Variants in NTNG2 observed in about 807,000 individuals in gnomAD.
NTNG2 encodes the protein netrin G2.
NTNG2 carries 15 observed loss-of-function variants against 47.6 expected under a neutral mutation model. The ratio of observed to expected loss-of-function variants is 0.32; its 90% CI spans 0.21 to 0.49. The LOEUF is 0.49. NTNG2 is among the 20% of genes least tolerant of loss of function. The pLI is 0.99. For synonymous variants in NTNG2, 307 were observed against 324.6 expected (o/e 0.95, Z 0.58); for missense variants, 578 against 764.6 (o/e 0.76, Z 2.88).
At chr9:132,240,560 G>A in intron 6 of NTNG2, 1 of 402,404 alleles carries the variant, frequency 2.5e-6, no homozygotes, top group Non-Finnish European at 4.6e-6. Context: ...CCTCTGCTGA[G>A]TTTCTGCCAC....
chr9:132,220,740 A>T (rs1299772838), intron 3 of NTNG2, among the ~76,000 whole-genome samples: 1 of 152,064 alleles, frequency 6.6e-6, no homozygotes, highest in African/African-American at 2.4e-5. Flanking sequence ...GAGCCACCGC[A>T]CCTGGCTCCC....
At chr9:132,187,574 AGAG>A (rs1564397616) in intron 2 of NTNG2, among the ~76,000 whole-genome samples, 1 of 37,434 alleles carries the variant, frequency 2.7e-5, no homozygotes, top group Non-Finnish European at 4.8e-5. Context: ...GGAGCAAGAG[AGAG>A]AGAGAGAGAG....
At chr9:132,225,833 G>A (rs1350320304) in intron 3 of NTNG2, among the ~76,000 whole-genome samples, 2 of 152,038 alleles carry the variant, frequency 1.3e-5, no homozygotes, top group Non-Finnish European at 2.9e-5. Flanking sequence ...TTTTCTCCAC[G>A]CAACTCATCT....
At chr9:132,217,233 T>C (rs1011787953) in intron 3 of NTNG2, among the ~76,000 whole-genome samples, 1 of 152,208 alleles carries the variant, frequency 6.6e-6, no homozygotes, top group Admixed American at 6.5e-5. Context: ...CTCAGCAAAT[T>C]ATTTCTATGT....
chr9:132,166,885 C>T lies in NTNG2; in HGVS notation c.54C>T (p.Asp18=). The change falls in exon 2 of 8, where the codon GAC becomes GAT. Residue 18 remains aspartate, a synonymous_variant. Transcript: ENST00000393229. Reference sequence around the variant, plus strand: ...ACTGCCTCCCTCTGGCCTCTGGGGACTATGACATCTGCAAATCCTGGGTGA... The same window carrying T: ...ACTGCCTCCCTCTGGCCTCTGGGGATTATGACATCTGCAAATCCTGGGTGA... ...FLHCLPLASG[D]YDICKSWVTT... 2 of 1,614,226 alleles carry T rather than the reference C, an allele frequency of 1.2e-6. No homozygotes were observed. The highest frequency in any genetic ancestry group is 1.7e-6 in the Non-Finnish European group (2 of 1,180,042).
rs761617116 is a variant in NTNG2 at position 132,240,950 on chromosome 9, C to G, written c.1263C>G (p.Cys421Trp). ...CNQIGSVHDRCNETGFCECRE... is the reference protein window; with the variant it reads ...CNQIGSVHDRWNETGFCECRE... Reference sequence around the variant, plus strand: ...AGATAGGCTCCGTGCACGACCGGTGCAACGAGACCGGCTTCTGCGAGTGCC... The same window carrying G: ...AGATAGGCTCCGTGCACGACCGGTGGAACGAGACCGGCTTCTGCGAGTGCC... Residue 421 changes from cysteine to tryptophan, a missense_variant, in exon 7 of 8, where the codon TGC becomes TGG. Physicochemically the swap from Cys to Trp is radical, Grantham distance 215. Transcript: ENST00000393229. 3 of 1,612,522 alleles carry G rather than the reference C, an allele frequency of 1.9e-6. No individual in the cohort carries two copies. In the African/African-American group the frequency reaches 4.0e-5, roughly 22 times the overall value.
intron 2 of NTNG2, among the ~76,000 whole-genome samples, chr9:132,189,445 C>T (rs571326803): frequency 3.3e-5 from 5 of 152,108 alleles, no homozygotes; most frequent in South Asian, 2.1e-4. Flanking sequence ...GATAAACTGG[C>T]GGGAATTTTG....
At chr9:132,199,301 A>G (rs1347145171) in intron 3 of NTNG2, among the ~76,000 whole-genome samples, 2 of 152,208 alleles carry the variant, frequency 1.3e-5, no homozygotes, top group Non-Finnish European at 2.9e-5. Context: ...CTCAGGCTCC[A>G]TGATTCACTA....
chr9:132,200,690 G>A (rs539206666), intron 3 of NTNG2, among the ~76,000 whole-genome samples: 3 of 152,298 alleles, frequency 2.0e-5, no homozygotes, highest in African/African-American at 4.8e-5. Flanking sequence ...AAGGCAGGTC[G>A]TTCATGAAGC....
In NTNG2 at chr9:132,244,278, G is replaced by A. The variant is rs1209678207; in HGVS notation, c.*2167G>A. The A allele has an allele frequency of 6.6e-6, 1 of 152,292 alleles. No individual in the cohort carries two copies. Among genetic ancestry groups the A allele is most frequent in the Non-Finnish European group, 1.5e-5 (1 of 68,096 alleles). 9.4% of individuals were successfully genotyped at this position (152,292 alleles called of 1,614,324 possible). A position where few individuals can be genotyped will look rare whatever the true frequency, so the allele number is the denominator to read the frequency against. The stretch of plus-strand genomic sequence containing the variant: ...GTCACCCTCAGGATAGTGAAGGGTG[G>A]AGCCGGGGGTGGAAGTTGCAGAGCC... On this transcript the variant is annotated 3_prime_UTR_variant, in exon 8 of 8. Coordinates refer to ENST00000393229, the MANE Select transcript of NTNG2 (RefSeq NM_032536.4).
Position 132,227,020 on chromosome 9 carries a change from C to A in NTNG2, c.1029C>A (p.Ala343=). ...CGCTGCCCCATGGCTCTCCCAACGC[C>A]TGTACGTGCCATGCCCCGGGGCCAC... is the stretch of plus-strand genomic sequence containing the variant. ...YLPLPHGSPN[A]CATAGSFGNC... is the part of the protein sequence containing the mutation. The change falls in exon 4 of 8, where the codon GCC becomes GCA. Residue 343 remains alanine, a splice_region_variant and synonymous_variant. Transcript: ENST00000393229. 1 of 1,596,184 alleles carries A rather than the reference C, an allele frequency of 6.3e-7. No individual in the cohort carries two copies. The highest frequency in any genetic ancestry group is 8.5e-7 in the Non-Finnish European group (1 of 1,171,980).
Position 132,242,763 on chromosome 9 carries a change from G to A in NTNG2, c.*652G>A, listed in dbSNP as rs1234628772. The A allele has an allele frequency of 6.6e-6, 1 of 152,286 alleles. No individual in the cohort carries two copies. Among genetic ancestry groups the A allele is most frequent in the African/African-American group, 2.4e-5 (1 of 41,460 alleles). The allele number at this position is 152,286 out of a possible 1,614,324, so 9.4% of individuals were successfully genotyped here. A position where few individuals can be genotyped will look rare whatever the true frequency, so the allele number is the denominator to read the frequency against. On this transcript the variant is annotated 3_prime_UTR_variant, in exon 8 of 8. Transcript: ENST00000393229. This position sits in a 1 kb window ranked among gnomAD's most constrained non-coding sequence, Gnocchi z 5.9. The stretch of plus-strand genomic sequence containing the variant: ...CACTGTCCCCTGCAAGGGGGACGGG[G>A]CGGGAGCACTGGTCACCGCGGGGGC...
chr9:132,228,403 C>A (rs1840950825), intron 4 of NTNG2, among the ~76,000 whole-genome samples: 1 of 152,208 alleles, frequency 6.6e-6, no homozygotes, highest in African/African-American at 2.4e-5. Context: ...AGCTTCCTGT[C>A]CCCATCTCTT....
intron 3 of NTNG2, among the ~76,000 whole-genome samples, chr9:132,205,420 G>A (rs747407842): frequency 3.3e-5 from 5 of 152,184 alleles, no homozygotes; most frequent in Non-Finnish European, 5.9e-5. Context: ...AATTCATAGA[G>A]ACAGAAAGTA....
chr9:132,217,897 C>T (rs1323223682), intron 3 of NTNG2, among the ~76,000 whole-genome samples: 1 of 152,214 alleles, frequency 6.6e-6, no homozygotes, highest in Non-Finnish European at 1.5e-5. Flanking sequence ...GGAAGGCACA[C>T]AAACCCCAGT....
At chr9:132,210,517 G>A (rs1231535754) in intron 3 of NTNG2, among the ~76,000 whole-genome samples, 1 of 152,226 alleles carries the variant, frequency 6.6e-6, no homozygotes, top group East Asian at 1.9e-4. Context: ...TATAGCCAAA[G>A]GTACTTTGGA....
At position 132,198,202 on chromosome 9, in the gene NTNG2, C is replaced by T. The variant is rs2130728550; in HGVS notation, c.450C>T (p.Val150=). Residue 150 remains valine (V), a synonymous_variant, in exon 3 of 8, where the codon GTC becomes GTT. Transcript: ENST00000393229. ...AGTACGGCCGGCCCACGGTCATGGT[C>T]CTGGAGAAGTCCCTGGACAACGGGC... ...TFEYGRPTVM[V]LEKSLDNGRT... is the part of the protein sequence containing the mutation. 2 of 1,613,458 alleles carry T rather than the reference C, an allele frequency of 1.2e-6. No homozygotes were observed. The highest frequency in any genetic ancestry group is 1.3e-5 in the African/African-American group (1 of 75,058).
At position 132,198,373 on chromosome 9, in the gene NTNG2, G is replaced by A. The variant is rs770925728; in HGVS notation, c.621G>A (p.Lys207=). ...EEYSRWAGSK[K]EKHVRFEVRD... ...ACTCGCGCTGGGCAGGCTCCAAGAA[G>A]GAGAAGCACGTGCGCTTCGAGGTGC... The change falls in exon 3 of 8, where the codon AAG becomes AAA. Residue 207 remains lysine, a synonymous_variant. Coordinates refer to ENST00000393229, the MANE Select transcript of NTNG2 (RefSeq NM_032536.4). 5 of 1,612,990 alleles carry A rather than the reference G, an allele frequency of 3.1e-6. No individual in the cohort carries two copies. The highest frequency in any genetic ancestry group is 4.2e-6 in the Non-Finnish European group (5 of 1,179,956).
intron 4 of NTNG2, among the ~76,000 whole-genome samples, chr9:132,230,263 C>T (rs1180678507): frequency 2.6e-5 from 4 of 152,234 alleles, no homozygotes; most frequent in East Asian, 3.8e-4. Flanking sequence ...CCCAGTGGAG[C>T]GTTTGGCACC....
Sources: gnomAD v4.1 joint callset for allele counts (sites outside exome capture counted in the v4.1 genomes callset) on GRCh38, gnomAD v4.1.1 for gene constraint, Gnocchi (gnomAD v3.1) non-coding constraint, MANE v1.5 for transcripts, NCBI Gene and HGNC (gene_info 2026-07-23, HGNC 2026-07-21) for gene names.